The following ZFP62 variants were observed in gnomAD, a reference collection of about 807,000 sequenced individuals.
ZFP62 encodes zinc finger protein 62 homolog.
ZFP62 carries 44 observed loss-of-function variants against 56.4 expected under a neutral mutation model. The observed-to-expected ratio is 0.78, with a 90% CI of 0.61 to 1.00. ZFP62 has a LOEUF of 1.00. Ranked by LOEUF, ZFP62 falls within the 50% of genes least tolerant of loss-of-function variation. The pLI, the probability that ZFP62 is intolerant of heterozygous loss-of-function variation, is 0.00. For synonymous variants in ZFP62, 421 were observed against 388.9 expected (o/e 1.08, Z -0.97); for missense variants, 1,030 against 1,085.7 (o/e 0.95, Z 0.72).
At chr5:180,836,339 G>A in the ZFP62 span, among the ~76,000 whole-genome samples, 1 of 152,216 alleles carries the variant, frequency 6.6e-6, no homozygotes, top group African/African-American at 2.4e-5. Context: ...GAAGGCTCTA[G>A]AGGCAAATCT....
chr5:180,850,931 T>C lies in ZFP62; in HGVS notation c.564A>G (p.Lys188=), dbSNP rs1448752184. 1 of 1,560,976 alleles carries C rather than the reference T, an allele frequency of 6.4e-7. No homozygotes were observed. The change falls in exon 2 of 2, where the codon AAA becomes AAG. Residue 188 remains lysine, a synonymous_variant. Transcript: ENST00000502412. ...ACGGCTTCTCCCCAGTGTGGATCCG[T>C]TTGTGGACCCGAAGGCTCGAGCTGC... ...FRSSSSLRVH[K]RIHTGEKPYK... is the part of the protein sequence containing the mutation.
At chr5:180,829,434 C>T in the ZFP62 span, among the ~76,000 whole-genome samples, 4 of 152,336 alleles carry the variant, frequency 2.6e-5, no homozygotes, top group Non-Finnish European at 2.9e-5. Context: ...GCTGGTTTTA[C>T]GGCTCAGGTG....
At chr5:180,854,386 T>C (rs551479359) in intron 1 of ZFP62, among the ~76,000 whole-genome samples, 1 of 152,336 alleles carries the variant, frequency 6.6e-6, no homozygotes, top group East Asian at 1.9e-4. Flanking sequence ...GGGAGGCCTC[T>C]TGCTTACAGC....
At chr5:180,845,326 T>TAAAAAAA (rs772922940), downstream of ZFP62, among the ~76,000 whole-genome samples, 8 of 32,826 alleles carry the variant, frequency 2.4e-4, 2 homozygotes, top group East Asian at 3.8e-3. Context: ...GAGACCGTCT[T>TAAAAAAA]AAAAAAAAAA....
At chr5:180,846,039 T>C (rs1327933541), downstream of ZFP62, among the ~76,000 whole-genome samples, 1 of 152,186 alleles carries the variant, frequency 6.6e-6, no homozygotes, top group Non-Finnish European at 1.5e-5. Context: ...CCCACTTGCA[T>C]ATCGTTCTCT....
intron 1 of ZFP62, 44 bp from the exon 2 acceptor site, chr5:180,851,537 A>G: frequency 6.8e-7 from 1 of 1,472,792 alleles, no homozygotes; most frequent in Non-Finnish European, 9.0e-7. Flanking sequence ...CTCTCTTAAA[A>G]AAAAACAAAA....
Position 180,850,108 on chromosome 5 carries a change from C to T in ZFP62, c.1387G>A (p.Gly463Ser). ...TGGAGCCTCCTGTGGACTTTGAGGC[C>T]TGCATTGTTTCTGAACGTTTTCCCA... Reference protein sequence around the residue: ...VCGKTFRNNAGLKVHRRLHTG... With the variant: ...VCGKTFRNNASLKVHRRLHTG... The change falls in exon 2 of 2, where the codon GGC (glycine) becomes AGC (serine). Residue 463 changes from glycine to serine, a missense_variant. Coordinates refer to ENST00000502412, the MANE Select transcript of ZFP62 (RefSeq NM_001172638.2). The T allele has an allele frequency of 6.4e-7, 1 of 1,551,588 alleles. No homozygotes were observed. Among genetic ancestry groups the T allele is most frequent in the Non-Finnish European group, 8.7e-7 (1 of 1,146,984 alleles).
At chr5:180,856,803 A>G (rs1247862917) in intron 1 of ZFP62, among the ~76,000 whole-genome samples, 4 of 151,850 alleles carry the variant, frequency 2.6e-5, no homozygotes, top group Admixed American at 2.0e-4. Flanking sequence ...AAATACAAAA[A>G]AATGGCCGGG....
chr5:180,828,120 G>C, the ZFP62 span, among the ~76,000 whole-genome samples: 1 of 150,754 alleles, frequency 6.6e-6, no homozygotes, highest in Non-Finnish European at 1.5e-5. Context: ...TGGTTCCCCG[G>C]GCCCCCTTAT....
At chr5:180,828,598 C>T in the ZFP62 span, among the ~76,000 whole-genome samples, 1 of 152,226 alleles carries the variant, frequency 6.6e-6, no homozygotes, top group African/African-American at 2.4e-5. Flanking sequence ...CTGTTATCTT[C>T]ATAAGCTGAG....
chr5:180,833,255 C>T, the ZFP62 span, among the ~76,000 whole-genome samples: 2 of 151,814 alleles, frequency 1.3e-5, no homozygotes, highest in South Asian at 2.1e-4. Flanking sequence ...CTGAGGTGGG[C>T]GGATCACGAG....
intron 1 of ZFP62, among the ~76,000 whole-genome samples, chr5:180,860,159 A>G (rs183470681): frequency 1.3e-3 from 192 of 152,340 alleles, no homozygotes; most frequent in African/African-American, 4.1e-3. Context: ...TGTGTGAAAA[A>G]AGGGGGAACT....
rs1561903820 is a variant in ZFP62, at chr5:180,850,274, G to A, written c.1221C>T (p.Gly407=). Residue 407 remains glycine (G), a synonymous_variant, in exon 2 of 2, where the codon GGC becomes GGT. Coordinates refer to ENST00000502412, the MANE Select transcript of ZFP62 (RefSeq NM_001172638.2). The stretch of plus-strand genomic sequence containing the variant: ...GGTGAATGCTTTTATGGACTGCGAG[G>A]CCTGAGCTATAGCTGAATGCTTTGC... The part of the protein sequence containing the change: ...VCGKAFSYSS[G]LAVHKSIHPG... 1.3e-6 allele frequency: 2 copies of A among 1,556,786 alleles called. No individual in the cohort carries two copies. Among genetic ancestry groups the A allele is most frequent in the Non-Finnish European group, 8.7e-7 (1 of 1,150,144 alleles).
chr5:180,836,618 A>C, the ZFP62 span, among the ~76,000 whole-genome samples: 8 of 152,222 alleles, frequency 5.3e-5, no homozygotes, highest in Non-Finnish European at 1.0e-4. Flanking sequence ...TTGAACATAT[A>C]TTTTTAGGGG....
chr5:180,829,881 C>G, the ZFP62 span: 1 of 152,266 alleles, frequency 6.6e-6, no homozygotes, highest in Non-Finnish European at 1.5e-5. Flanking sequence ...CTCATACACA[C>G]AGCTCATTTG....
the ZFP62 span, among the ~76,000 whole-genome samples, chr5:180,838,930 T>C: frequency 6.6e-6 from 1 of 152,246 alleles, no homozygotes; most frequent in Admixed American, 6.5e-5. Flanking sequence ...GAAATGTATT[T>C]GTAGGATAAC....
rs1460730577 is a variant in ZFP62 at position 180,861,234 on chromosome 5, C to T, written c.-15G>A. ...ACTCACGTACTGGCTGTGGCGGCGC[C>T]GCGGGAACCCGGCCGCCAGCGGGAC... On this transcript the variant is annotated 5_prime_UTR_variant, in exon 1 of 2. Coordinates refer to ENST00000502412, the MANE Select transcript of ZFP62 (RefSeq NM_001172638.2). 1.3e-5 allele frequency: 5 copies of T among 397,886 alleles called. No individual in the cohort carries two copies. The highest frequency in any genetic ancestry group is 1.3e-4 in the South Asian group (1 of 7,854). The allele number at this position is 397,886 out of a possible 1,614,324, so 24.6% of individuals were successfully genotyped here. A position where few individuals can be genotyped will look rare whatever the true frequency, so the allele number is the denominator to read the frequency against.
chr5:180,829,991 C>T, the ZFP62 span: 2 of 152,164 alleles, frequency 1.3e-5, no homozygotes, highest in African/African-American at 4.8e-5. Context: ...CAAGTGAAGT[C>T]ACTGGGTTGT....
intron 1 of ZFP62, among the ~76,000 whole-genome samples, chr5:180,853,342 G>C (rs1307776391): frequency 2.0e-5 from 3 of 152,150 alleles, no homozygotes; most frequent in Non-Finnish European, 4.4e-5. Flanking sequence ...TTTCGTGTAG[G>C]AAAGAAAACA....
Sources: gnomAD v4.1 joint callset for allele counts (sites outside exome capture counted in the v4.1 genomes callset) on GRCh38, gnomAD v4.1.1 for gene constraint, MANE v1.5 for transcripts, NCBI Gene and HGNC (gene_info 2026-07-23, HGNC 2026-07-21) for gene names.